PLGRKT: variants seen among roughly 807,000 people sequenced by gnomAD.
PLGRKT encodes plasminogen receptor with a C-terminal lysine.
In PLGRKT, 22 loss-of-function variants were observed where a neutral mutation model predicts 18.5. The ratio of observed to expected loss-of-function variants is 1.19; its 90% CI spans 0.85 to 1.70. The LOEUF is 1.70. PLGRKT is among the 40% of genes most tolerant of loss of function. The probability of loss-of-function intolerance (pLI) is 0.00; values close to 1 mark genes in which losing one functional copy is unlikely to be tolerated. For synonymous variants in PLGRKT, 72 were observed against 52.8 expected (o/e 1.36, Z -1.58); for missense variants, 235 against 174.4 (o/e 1.35, Z -1.96).
intron 3 of PLGRKT, among the ~76,000 whole-genome samples, chr9:5,424,691 T>TATACAC (rs201541927): frequency 2.8e-5 from 2 of 70,486 alleles, no homozygotes; most frequent in African/African-American, 1.2e-4. Flanking sequence ...TATATATATA[T>TATACAC]ACACACAGGG....
chr9:5,379,508 GT>G (rs992681122), intron 3 of PLGRKT, among the ~76,000 whole-genome samples: 3 of 152,112 alleles, frequency 2.0e-5, no homozygotes, highest in African/African-American at 7.2e-5. Flanking sequence ...ATATGTGTGT[GT>G]GTGTGTGTAC....
intron 3 of PLGRKT, among the ~76,000 whole-genome samples, chr9:5,424,668 T>TTATATATATATATATATATATA (rs375682412): frequency 3.4e-4 from 38 of 113,142 alleles, no homozygotes; most frequent in African/African-American, 1.2e-3. Context: ...ATTATATATT[T>TTATATATATATATATATATATA]TATATATATA....
intron 1 of PLGRKT, among the ~76,000 whole-genome samples, chr9:5,436,906 A>G (rs972085187): frequency 6.6e-6 from 1 of 152,204 alleles, no homozygotes; most frequent in Non-Finnish European, 1.5e-5. Flanking sequence ...TGCAATAGGG[A>G]TAACTTTGAT....
At chr9:5,416,823 A>G (rs1180458765) in intron 3 of PLGRKT, among the ~76,000 whole-genome samples, 1 of 152,204 alleles carries the variant, frequency 6.6e-6, no homozygotes, top group Non-Finnish European at 1.5e-5. Context: ...TTTGCCATTT[A>G]TCTACCTTTG....
chr9:5,393,881 G>C (rs183838464), intron 3 of PLGRKT, among the ~76,000 whole-genome samples: 4 of 151,822 alleles, frequency 2.6e-5, no homozygotes, highest in Admixed American at 6.6e-5. Flanking sequence ...TAAGAAAAAG[G>C]CCTATCAAAT....
At chr9:5,419,419 G>C (rs977692762) in intron 3 of PLGRKT, among the ~76,000 whole-genome samples, 1 of 152,216 alleles carries the variant, frequency 6.6e-6, no homozygotes, top group Admixed American at 6.5e-5. Flanking sequence ...CTTTCTCCGT[G>C]GCGTGTTCAG....
At chr9:5,359,934 T>C (rs942650513) in intron 5 of PLGRKT, among the ~76,000 whole-genome samples, 1 of 152,224 alleles carries the variant, frequency 6.6e-6, no homozygotes, top group African/African-American at 2.4e-5. Flanking sequence ...CATAATAAAA[T>C]GTACATAAAA....
chr9:5,377,258 A>C (rs938434989), intron 3 of PLGRKT, among the ~76,000 whole-genome samples: 4 of 152,042 alleles, frequency 2.6e-5, no homozygotes, highest in African/African-American at 7.2e-5. Flanking sequence ...CTAAAAAAAA[A>C]AAGATAGCAC....
intron 3 of PLGRKT, among the ~76,000 whole-genome samples, chr9:5,379,280 C>G (rs964239508): frequency 1.3e-5 from 2 of 152,068 alleles, no homozygotes; most frequent in Non-Finnish European, 2.9e-5. Flanking sequence ...TTTACAAGCT[C>G]ATTGTAAGAT....
chr9:5,411,878 C>A (rs879391473), intron 3 of PLGRKT, among the ~76,000 whole-genome samples: 10 of 152,188 alleles, frequency 6.6e-5, no homozygotes, highest in Non-Finnish European at 1.0e-4. Context: ...CTCAATAGTT[C>A]TTCACAAATA....
At chr9:5,411,173 C>T (rs1040633536) in intron 3 of PLGRKT, among the ~76,000 whole-genome samples, 2 of 151,822 alleles carry the variant, frequency 1.3e-5, no homozygotes, top group Admixed American at 6.6e-5. Flanking sequence ...CACCTGAGGT[C>T]GGGAGTTTGA....
chr9:5,419,784 A>T (rs73397151), intron 3 of PLGRKT, among the ~76,000 whole-genome samples: 4,385 of 152,300 alleles, frequency 0.029, 236 homozygotes, highest in African/African-American at 0.1. Context: ...GAATGTAAAA[A>T]ACTGTGGCCA....
rs532845135 is a variant in PLGRKT, at chr9:5,408,416, T to G, written c.81+23481A>C. ...GCCCCTGCCAAGGGATATGCGCAAC[T>G]TCGAGCTTGAGAGTGATGATTTACG... On this transcript the variant is annotated intron_variant, in intron 3 of 5. Transcript: ENST00000223864. Among the ~76,000 whole-genome samples the G allele has an allele frequency of 7.2e-5, 11 of 152,336 alleles. No individual in the cohort carries two copies. The East Asian group carries it at 2.1e-3, about 29-fold the overall frequency.
chr9:5,396,371 A>C (rs1033460259), intron 3 of PLGRKT, among the ~76,000 whole-genome samples: 19 of 150,184 alleles, frequency 1.3e-4, no homozygotes, highest in Non-Finnish European at 2.7e-4. Context: ...CTGCAACCTC[A>C]ACCTCCCAGG....
chr9:5,426,041 T>C (rs1176958597), intron 3 of PLGRKT, among the ~76,000 whole-genome samples: 2 of 152,206 alleles, frequency 1.3e-5, no homozygotes, highest in African/African-American at 2.4e-5. Flanking sequence ...GAATCTTTTT[T>C]AAAACTTCAT....
chr9:5,394,219 G>A (rs1818002221), intron 3 of PLGRKT, among the ~76,000 whole-genome samples: 1 of 151,724 alleles, frequency 6.6e-6, no homozygotes, highest in Non-Finnish European at 1.5e-5. Flanking sequence ...ACAAAAGCAG[G>A]AAGCCTACAT....
At chr9:5,403,096 G>A (rs549460003) in intron 3 of PLGRKT, among the ~76,000 whole-genome samples, 2 of 152,004 alleles carry the variant, frequency 1.3e-5, no homozygotes, top group African/African-American at 2.4e-5. Flanking sequence ...TGGTCTCAAT[G>A]TAACAGATGG....
rs77057169 is a variant in PLGRKT at position 5,391,274 on chromosome 9, T to C, written c.82-29386A>G. Among the ~76,000 whole-genome samples, 288 of 152,118 alleles carry C rather than the reference T, an allele frequency of 1.9e-3. 8 individuals are homozygous for C. In the East Asian group the frequency reaches 0.04, roughly 21 times the overall value. On this transcript the variant is annotated intron_variant, in intron 3 of 5. Coordinates refer to ENST00000223864, the MANE Select transcript of PLGRKT (RefSeq NM_018465.4). Reference sequence around the variant, plus strand: ...TTATCTTTGAACCAATTGCAGTTTATGGCACTTGGTTTCTTGGAGTGGAAA... The same window carrying C: ...TTATCTTTGAACCAATTGCAGTTTACGGCACTTGGTTTCTTGGAGTGGAAA...
intron 3 of PLGRKT, among the ~76,000 whole-genome samples, chr9:5,382,924 G>A (rs1817774184): frequency 6.6e-6 from 1 of 152,340 alleles, no homozygotes. Context: ...ACTCCCTATA[G>A]TGGGTTAAAT....
Sources: allele counts gnomAD v4.1 joint callset (sites outside exome capture counted in the v4.1 genomes callset), GRCh38; gene constraint gnomAD v4.1.1; transcripts MANE v1.5; gene names NCBI Gene and HGNC (gene_info 2026-07-23, HGNC 2026-07-21).